Variants in MATN2 observed in about 807,000 individuals in gnomAD.
MATN2 encodes the protein matrilin-2.
Under a neutral mutation model 103.2 loss-of-function variants are expected in MATN2, and 69 were observed. That is an observed-to-expected ratio of 0.67 (90% CI 0.55 to 0.82). The LOEUF is 0.82. Ranked by LOEUF, MATN2 falls within the 40% of genes least tolerant of loss-of-function variation. MATN2 has a pLI of 0.00. For missense variants in MATN2, 1,023 were observed against 1,211.5 expected, an observed-to-expected ratio of 0.84 and a Z score of 2.31; for synonymous variants, 429 against 450.2, an observed-to-expected ratio of 0.95 and a Z score of 0.60.
chr8:97,892,415 CAAAAAAAAAAAAAA>C (rs35181049), intron 2 of MATN2, among the ~76,000 whole-genome samples: 35 of 78,054 alleles, frequency 4.5e-4, no homozygotes, highest in African/African-American at 1.9e-3. Flanking sequence ...GACCCTGTCT[CAAAAAAAAAAAAAA>C]AAAAAAAAAG....
At chr8:97,997,249 G>A (rs369446932) in intron 7 of MATN2, among the ~76,000 whole-genome samples, 74 of 152,316 alleles carry the variant, frequency 4.9e-4, no homozygotes, top group African/African-American at 1.5e-3. Context: ...CCACGGGTTC[G>A]ACTGAGCCAA....
chr8:98,007,593 C>A lies in MATN2; in HGVS notation c.1565C>A (p.Thr522Lys). Reference sequence around the variant, plus strand: ...CACGTGCTCCGCAGCGATGGGAAGACGTGTGCAAGTAAGTGTCTGAAGGAC... The same window carrying A: ...CACGTGCTCCGCAGCGATGGGAAGAAGTGTGCAAGTAAGTGTCTGAAGGAC... ...EGHVLRSDGK[T>K]CAKLDSCALG... Residue 522 changes from threonine (T) to lysine (K), a missense_variant, in exon 10 of 19, where the codon ACG becomes AAG. Thr to Lys is a moderately conservative substitution (Grantham distance 78, BLOSUM62 -1). Coordinates refer to ENST00000254898, the MANE Select transcript of MATN2 (RefSeq NM_002380.5). This position sits in a 1 kb window ranked among gnomAD's most constrained non-coding sequence, Gnocchi z 4.2. 6.2e-7 allele frequency: 1 copy of A among 1,611,010 alleles called. No homozygotes were observed. The highest frequency in any genetic ancestry group is 8.5e-7 in the Non-Finnish European group (1 of 1,177,526).
chr8:97,994,074 A>AAAAG (rs921033928), intron 6 of MATN2, among the ~76,000 whole-genome samples: 9 of 149,924 alleles, frequency 6.0e-5, no homozygotes, highest in South Asian at 4.2e-4. Flanking sequence ...GAAAGAAAGA[A>AAAAG]AAAGAAAGAA....
intron 10 of MATN2, among the ~76,000 whole-genome samples, chr8:98,009,627 G>A (rs1813091546): frequency 6.6e-6 from 1 of 152,162 alleles, no homozygotes; most frequent in Non-Finnish European, 1.5e-5. Context: ...CCTCTGGAGC[G>A]ATGTCCCCTC....
chr8:97,946,453 A>G (rs920159445), intron 4 of MATN2, among the ~76,000 whole-genome samples: 1 of 152,220 alleles, frequency 6.6e-6, no homozygotes, highest in African/African-American at 2.4e-5. Context: ...GCATCAGCAT[A>G]ATACTAGAAC....
intron 2 of MATN2, among the ~76,000 whole-genome samples, chr8:97,899,760 G>A (rs78659574): frequency 0.034 from 5,175 of 152,280 alleles, 271 homozygotes; most frequent in African/African-American, 0.11. Context: ...GGCAGGGAGA[G>A]GGACAGAAGT....
intron 5 of MATN2, among the ~76,000 whole-genome samples, chr8:97,972,014 G>A (rs918899878): frequency 1.3e-5 from 2 of 151,680 alleles, no homozygotes; most frequent in Non-Finnish European, 2.9e-5. Flanking sequence ...TGGTCAACAT[G>A]GTGAAAACCT....
intron 4 of MATN2, among the ~76,000 whole-genome samples, chr8:97,951,241 A>G (rs1018602488): frequency 1.3e-5 from 2 of 152,232 alleles, no homozygotes; most frequent in African/African-American, 4.8e-5. Flanking sequence ...TGGCTGTGCC[A>G]GGGCACAGGA....
At chr8:98,023,860 A>G (rs1230196948) in intron 13 of MATN2, among the ~76,000 whole-genome samples, 1 of 152,228 alleles carries the variant, frequency 6.6e-6, no homozygotes, top group East Asian at 1.9e-4. Context: ...CTATGCGGCC[A>G]TAAAAAGAAA....
chr8:97,883,771 G>T (rs900237167), intron 1 of MATN2, among the ~76,000 whole-genome samples: 1 of 152,064 alleles, frequency 6.6e-6, no homozygotes, highest in African/African-American at 2.4e-5. Context: ...AACCAGGATG[G>T]TCTCGATCTC....
At chr8:97,916,625 G>A (rs1043456534) in intron 2 of MATN2, among the ~76,000 whole-genome samples, 2 of 152,054 alleles carry the variant, frequency 1.3e-5, no homozygotes, top group Admixed American at 6.6e-5. Flanking sequence ...AAAAACCACT[G>A]TTTCACAGCT....
intron 10 of MATN2, 71 bp from the exon 11 acceptor site, chr8:98,016,462 GTCTTTTA>G: frequency 7.8e-7 from 1 of 1,287,678 alleles, no homozygotes; most frequent in Non-Finnish European, 1.1e-6. Flanking sequence ...TGTCTGAAAT[GTCTTTTA>G]TGATTGAATA....
rs189949425 is a variant in MATN2 at position 97,870,137 on chromosome 8, G to A, written c.-27+850G>A. Among the ~76,000 whole-genome samples the A allele has an allele frequency of 1.3e-4, 20 of 152,238 alleles. No homozygotes were observed. In the East Asian group the frequency reaches 2.7e-3, roughly 21 times the overall value. On this transcript the variant is annotated intron_variant, in intron 1 of 18. Coordinates refer to ENST00000254898, the MANE Select transcript of MATN2 (RefSeq NM_002380.5). ...TCAACCCCAGCTGTGAAGTTTACAG[G>A]GTTGATAACTTGAAGGTACCCAAGT...
chr8:97,887,219 T>A (rs1001871264), intron 1 of MATN2, among the ~76,000 whole-genome samples: 1 of 150,172 alleles, frequency 6.7e-6, no homozygotes, highest in Non-Finnish European at 1.5e-5. Flanking sequence ...TAAATTTAAA[T>A]TTTTTTTTTG....
intron 5 of MATN2, among the ~76,000 whole-genome samples, chr8:97,965,507 G>T (rs117660105): frequency 1.3e-5 from 2 of 152,174 alleles, no homozygotes; most frequent in East Asian, 3.9e-4. Flanking sequence ...AATGAAAGAA[G>T]GTGCTGTACA....
At chr8:98,035,424 T>G (rs895513566) in intron 18 of MATN2, among the ~76,000 whole-genome samples, 15 of 150,926 alleles carry the variant, frequency 9.9e-5, no homozygotes, top group African/African-American at 3.7e-4. Flanking sequence ...CACTGAGCCA[T>G]CTGGCTTTGC....
intron 7 of MATN2, among the ~76,000 whole-genome samples, chr8:97,996,146 A>G (rs1440906672): frequency 6.6e-6 from 1 of 152,186 alleles, no homozygotes; most frequent in African/African-American, 2.4e-5. Context: ...AAGCTTCCTC[A>G]TGTGTTACTA....
In MATN2 at chr8:98,035,955, A is replaced by AT. The variant is rs1814235277; in HGVS notation, c.*244dup. The AT allele has an allele frequency of 2.7e-6, 1 of 363,920 alleles. No individual in the cohort carries two copies. 22.5% of individuals were successfully genotyped at this position (363,920 alleles called of 1,614,324 possible). A position where few individuals can be genotyped will look rare whatever the true frequency, so the allele number is the denominator to read the frequency against. On this transcript the variant is annotated 3_prime_UTR_variant, in exon 19 of 19. Coordinates refer to ENST00000254898, the MANE Select transcript of MATN2 (RefSeq NM_002380.5). ...TTTACCAGGTGAGAATGAATAAGCTATGCAAGGTATTTTGTAATATACTGT... is the reference window on the plus strand; with the variant it reads ...TTTACCAGGTGAGAATGAATAAGCTATTGCAAGGTATTTTGTAATATACTGT...
intron 4 of MATN2, among the ~76,000 whole-genome samples, 163 bp downstream of exon 4, chr8:97,942,062 A>C (rs1810587016): frequency 6.6e-6 from 1 of 152,192 alleles, no homozygotes. Context: ...ACCCCATCAC[A>C]GTGCCTAGTC....
Sources: allele counts gnomAD v4.1 joint callset (sites outside exome capture counted in the v4.1 genomes callset), GRCh38; gene constraint gnomAD v4.1.1; non-coding constraint Gnocchi (gnomAD v3.1); transcripts MANE v1.5; gene names NCBI Gene and HGNC (gene_info 2026-07-23, HGNC 2026-07-21).